KATNAL1: variants seen among roughly 807,000 people sequenced by gnomAD.
KATNAL1 encodes katanin p60 ATPase-containing subunit A-like 1.
KATNAL1 carries 32 observed loss-of-function variants against 55.2 expected under a neutral mutation model. The observed-to-expected ratio is 0.58, with a 90% CI of 0.44 to 0.78. KATNAL1 has a LOEUF of 0.78. KATNAL1 is among the 30% of genes least tolerant of loss of function. The pLI is 0.00. For missense variants in KATNAL1, 466 were observed against 600.9 expected, an observed-to-expected ratio of 0.78 and a Z score of 2.35; for synonymous variants, 193 against 193.6, an observed-to-expected ratio of 1.00 and a Z score of 0.02.
At chr13:30,220,022 A>G (rs187346192) in intron 9 of KATNAL1, among the ~76,000 whole-genome samples, 30 of 152,354 alleles carry the variant, frequency 2.0e-4, no homozygotes, top group African/African-American at 5.0e-4. Context: ...TCAAAAAACA[A>G]AAGTTTGAAT....
intron 1 of KATNAL1, among the ~76,000 whole-genome samples, chr13:30,287,310 G>A (rs777687703): frequency 5.3e-5 from 8 of 152,140 alleles, no homozygotes; most frequent in Non-Finnish European, 1.0e-4. Context: ...CATGGGGGTG[G>A]TTCCCCCATG....
intron 9 of KATNAL1, among the ~76,000 whole-genome samples, chr13:30,225,132 A>G (rs1238287816): frequency 2.0e-5 from 3 of 152,114 alleles, no homozygotes; most frequent in Non-Finnish European, 4.4e-5. Flanking sequence ...AGGAAAGTCC[A>G]TTCATCAAGG....
At chr13:30,280,654 A>G (rs1237035906) in intron 2 of KATNAL1, among the ~76,000 whole-genome samples, 1 of 152,212 alleles carries the variant, frequency 6.6e-6, no homozygotes, top group Non-Finnish European at 1.5e-5. Context: ...ACTAAATATA[A>G]AACGCCTGTC....
At position 30,204,741 on chromosome 13, in the gene KATNAL1, G is replaced by A. The variant is rs1487109144; in HGVS notation, c.*3799C>T. ...ACTTTTTGAGTAATTCGTGCTTTCA[G>A]CCTATGTTTTGAGAGTGAAATATGA... On this transcript the variant is annotated 3_prime_UTR_variant, in exon 11 of 11. Transcript: ENST00000380615. The A allele has an allele frequency of 2.0e-5, 3 of 152,202 alleles. No homozygotes were observed. Among genetic ancestry groups the A allele is most frequent in the African/African-American group, 7.2e-5 (3 of 41,446 alleles). 9.4% of individuals were successfully genotyped at this position (152,202 alleles called of 1,614,324 possible).
At chr13:30,293,919 T>C (rs1016193462) in intron 1 of KATNAL1, among the ~76,000 whole-genome samples, 2 of 152,212 alleles carry the variant, frequency 1.3e-5, no homozygotes, top group Non-Finnish European at 2.9e-5. Flanking sequence ...CTTCTCCATT[T>C]TTATTATATC....
At chr13:30,228,252 A>G (rs545370131) in intron 8 of KATNAL1, among the ~76,000 whole-genome samples, 8 of 152,288 alleles carry the variant, frequency 5.3e-5, no homozygotes, top group South Asian at 2.1e-4. Flanking sequence ...AAAACCCCAT[A>G]AACTTTATTG....
At chr13:30,293,750 C>T (rs895545551) in intron 1 of KATNAL1, among the ~76,000 whole-genome samples, 1 of 152,032 alleles carries the variant, frequency 6.6e-6, no homozygotes, top group East Asian at 1.9e-4. Flanking sequence ...CTCAGTTTAC[C>T]GCGCCTCATT....
chr13:30,258,442 T>C (rs1472804723), intron 3 of KATNAL1, among the ~76,000 whole-genome samples: 5 of 152,206 alleles, frequency 3.3e-5, no homozygotes, highest in Non-Finnish European at 5.9e-5. Context: ...CTTTTCTTTA[T>C]TTTTGCATTT....
chr13:30,212,104 T>A (rs988737723), intron 9 of KATNAL1, among the ~76,000 whole-genome samples: 2 of 152,166 alleles, frequency 1.3e-5, no homozygotes, highest in African/African-American at 4.8e-5. Flanking sequence ...GTTGTAAGTA[T>A]TTTATAACAG....
intron 3 of KATNAL1, among the ~76,000 whole-genome samples, chr13:30,275,498 T>C (rs1880774087): frequency 6.6e-6 from 1 of 152,130 alleles, no homozygotes; most frequent in Admixed American, 6.5e-5. Flanking sequence ...CTCACTTATA[T>C]GTGAAATATA....
At chr13:30,292,691 CAT>C (rs1882213251) in intron 1 of KATNAL1, among the ~76,000 whole-genome samples, 2 of 151,794 alleles carry the variant, frequency 1.3e-5, no homozygotes, top group African/African-American at 4.8e-5. Flanking sequence ...TTATGTATCA[CAT>C]GTCTTTCTCT....
At chr13:30,287,684 A>G (rs958921450) in intron 1 of KATNAL1, among the ~76,000 whole-genome samples, 2 of 152,250 alleles carry the variant, frequency 1.3e-5, no homozygotes, top group Non-Finnish European at 2.9e-5. Context: ...GCCTTATTAT[A>G]ATGAATAATA....
intron 1 of KATNAL1, among the ~76,000 whole-genome samples, chr13:30,286,060 G>A (rs1189907408): frequency 6.6e-6 from 1 of 152,214 alleles, no homozygotes; most frequent in Non-Finnish European, 1.5e-5. Flanking sequence ...ATATGGTTTG[G>A]AATTGGAATT....
intron 8 of KATNAL1, among the ~76,000 whole-genome samples, chr13:30,229,569 T>G (rs1435753375): frequency 6.6e-6 from 1 of 152,058 alleles, no homozygotes; most frequent in Non-Finnish European, 1.5e-5. Context: ...AAAATAAAAC[T>G]TAGCCAGATG....
chr13:30,215,920 TATA>T (rs749410752), intron 9 of KATNAL1, among the ~76,000 whole-genome samples: 37 of 152,172 alleles, frequency 2.4e-4, no homozygotes, highest in South Asian at 6.2e-4. Context: ...AAACTTAAAG[TATA>T]ATAATAATAA....
chr13:30,306,026 G>T (rs943792288), intron 1 of KATNAL1, among the ~76,000 whole-genome samples: 2 of 151,944 alleles, frequency 1.3e-5, no homozygotes, highest in African/African-American at 4.8e-5. Flanking sequence ...TTAAGAGAAA[G>T]TTTTATAGGA....
intron 4 of KATNAL1, among the ~76,000 whole-genome samples, chr13:30,251,715 AT>A (rs1415065581): frequency 1.3e-5 from 2 of 152,248 alleles, no homozygotes; most frequent in Admixed American, 6.5e-5. Flanking sequence ...CAGAAAAAAT[AT>A]AGCTTAAAAG....
intron 3 of KATNAL1, among the ~76,000 whole-genome samples, chr13:30,268,012 A>G (rs531666432): frequency 1.3e-5 from 2 of 152,140 alleles, no homozygotes; most frequent in Non-Finnish European, 2.9e-5. Context: ...ATAAAAGTAC[A>G]TTTTTCTACT....
intron 3 of KATNAL1, among the ~76,000 whole-genome samples, chr13:30,259,931 A>C (rs866598822): frequency 1.3e-5 from 2 of 152,208 alleles, no homozygotes; most frequent in Admixed American, 6.5e-5. Flanking sequence ...GGCACAGACA[A>C]ACAAAAAGAC....
Sources: gnomAD v4.1 joint callset for allele counts (sites outside exome capture counted in the v4.1 genomes callset) on GRCh38, gnomAD v4.1.1 for gene constraint, MANE v1.5 for transcripts, NCBI Gene and HGNC (gene_info 2026-07-23, HGNC 2026-07-21) for gene names.